The following UBE2O variants were observed in gnomAD, a reference collection of about 807,000 sequenced individuals.
UBE2O encodes ubiquitin conjugating enzyme E2 O.
Under a neutral mutation model 125.8 loss-of-function variants are expected in UBE2O, and 15 were observed. The observed-to-expected ratio is 0.12, with a 90% CI of 0.08 to 0.18. The LOEUF is 0.18. UBE2O is among the 10% of genes least tolerant of loss of function. The pLI, the probability that UBE2O is intolerant of heterozygous loss-of-function variation, is 1.00. For missense variants in UBE2O, 1,280 were observed against 1,723.6 expected (o/e 0.74, Z 4.56); for synonymous variants, 708 against 703.2 (o/e 1.01, Z -0.11).
In UBE2O at chr17:76,390,658, G is replaced by GCT; in HGVS notation, c.*284_*285insAG. On this transcript the variant is annotated 3_prime_UTR_variant, in exon 18 of 18. Transcript: ENST00000319380. ...TGACCTGAGAAGGGGCAGCAAGGGA[G>GCT]CAAGTGCCGGACATTCTGCTGGGGT... 3.0e-6 allele frequency: 1 copy of GCT among 331,898 alleles called. No homozygotes were observed. Among genetic ancestry groups the GCT allele is most frequent in the South Asian group, 5.2e-5 (1 of 19,414 alleles). 20.6% of individuals were successfully genotyped at this position (331,898 alleles called of 1,614,324 possible).
rs749090531 is a variant in UBE2O, at chr17:76,443,432, G to T, written c.417+9293C>A. On this transcript the variant is annotated intron_variant, in intron 1 of 17. Transcript: ENST00000319380. ...GCCTCCCGAGTAGCTGGGATCACAGGCACCCACCACCACGCATGGCTAATT... is the reference window on the plus strand; with the variant it reads ...GCCTCCCGAGTAGCTGGGATCACAGTCACCCACCACCACGCATGGCTAATT... Among the ~76,000 whole-genome samples, 6 of 152,216 alleles carry T rather than the reference G, an allele frequency of 3.9e-5. No homozygotes were observed. The Middle Eastern group carries it at 0.017, about 431-fold the overall frequency.
intron 1 of UBE2O, among the ~76,000 whole-genome samples, chr17:76,423,561 C>A (rs2072744196): frequency 6.6e-6 from 1 of 151,442 alleles, no homozygotes. Context: ...GGCATGGTGG[C>A]ACGTACCTAT....
At position 76,398,103 on chromosome 17, in the gene UBE2O, G is replaced by T; in HGVS notation, c.2025+152C>A. The T allele has an allele frequency of 8.8e-7, 1 of 1,141,998 alleles. No individual in the cohort carries two copies. The allele number at this position is 1,141,998 out of a possible 1,614,324, so 70.7% of individuals were successfully genotyped here. On this transcript the variant is annotated intron_variant, in intron 12 of 17. Transcript: ENST00000319380. The surrounding 1 kb of genome is among the most constrained non-coding windows in gnomAD (Gnocchi z 5.4). ...CTGCAGCTGCTAGTGCTGAGCGGCA[G>T]CTTGACTCTGGGGCAGCTGCCCTTC...
Position 76,444,278 on chromosome 17 carries a change from G to A in UBE2O, c.417+8447C>T, listed in dbSNP as rs374964908. 1.1e-4 allele frequency among the ~76,000 whole-genome samples: 16 copies of A among 152,210 alleles called. No individual in the cohort carries two copies. In the East Asian group the frequency reaches 1.2e-3, roughly 11 times the overall value. The stretch of plus-strand genomic sequence containing the variant: ...AAGAGGGTGTGGTCAGCTAGGCACC[G>A]TGGCTCACGTCTGTAATCCCAACAC... On this transcript the variant is annotated intron_variant, in intron 1 of 17. Coordinates refer to ENST00000319380, the MANE Select transcript of UBE2O (RefSeq NM_022066.4).
Position 76,396,940 on chromosome 17 carries a change from T to G in UBE2O, c.2116-119A>C. 1.2e-6 allele frequency: 1 copy of G among 846,610 alleles called. No individual in the cohort carries two copies. The highest frequency in any genetic ancestry group is 1.8e-6 in the Non-Finnish European group (1 of 556,768). The allele number at this position is 846,610 out of a possible 1,614,324, so 52.4% of individuals were successfully genotyped here. A position where few individuals can be genotyped will look rare whatever the true frequency, so the allele number is the denominator to read the frequency against. On this transcript the variant is annotated intron_variant, in intron 13 of 17. Transcript: ENST00000319380. This position sits in a 1 kb window ranked among gnomAD's most constrained non-coding sequence, Gnocchi z 6.7. ...GATGGCGACTGGGCTCATGAGGCCT[T>G]GGCAACCTCATTCCACCCTTTCCCT...
At chr17:76,436,157 G>A (rs1006831401) in intron 1 of UBE2O, among the ~76,000 whole-genome samples, 1 of 152,158 alleles carries the variant, frequency 6.6e-6, no homozygotes, top group Non-Finnish European at 1.5e-5. Context: ...TGAGGCAGGA[G>A]AATTGCTTGA....
At chr17:76,422,848 C>G (rs1457151516) in intron 1 of UBE2O, among the ~76,000 whole-genome samples, 1 of 152,258 alleles carries the variant, frequency 6.6e-6, no homozygotes, top group Admixed American at 6.5e-5. Flanking sequence ...AGGGCAGGCA[C>G]TGGGCACCAG....
At position 76,390,077 on chromosome 17, in the gene UBE2O, C is replaced by A. The variant is rs947647710; in HGVS notation, c.*866G>T. The A allele has an allele frequency of 6.6e-6, 1 of 152,546 alleles. No individual in the cohort carries two copies. The highest frequency in any genetic ancestry group is 1.5e-5 in the Non-Finnish European group (1 of 68,082). The allele number at this position is 152,546 out of a possible 1,614,324, so 9.4% of individuals were successfully genotyped here. Reference sequence around the variant, plus strand: ...GTAGGCCTTCTAGTCCAAGAGAGGGCTGGCTCGCTTGGAGTTCAGTGAGCT... The same window carrying A: ...GTAGGCCTTCTAGTCCAAGAGAGGGATGGCTCGCTTGGAGTTCAGTGAGCT... On this transcript the variant is annotated 3_prime_UTR_variant, in exon 18 of 18. Coordinates refer to ENST00000319380, the MANE Select transcript of UBE2O (RefSeq NM_022066.4).
intron 3 of UBE2O, among the ~76,000 whole-genome samples, chr17:76,403,801 G>A (rs1398793133): frequency 2.6e-5 from 4 of 152,022 alleles, no homozygotes; most frequent in African/African-American, 9.7e-5. Context: ...AAAAGTACAA[G>A]ATGAGCCTGG....
Position 76,441,767 on chromosome 17 carries a change from C to G in UBE2O, c.417+10958G>C, listed in dbSNP as rs541497573. On this transcript the variant is annotated intron_variant, in intron 1 of 17. Transcript: ENST00000319380. ...GGATTAGAATCCATTTATTCATGCT[C>G]TCTTCACTTCCCCCTCCCCCTCCAC... Among the ~76,000 whole-genome samples, 21 of 152,326 alleles carry G rather than the reference C, an allele frequency of 1.4e-4. No homozygotes were observed. The South Asian group carries it at 3.1e-3, about 23-fold the overall frequency.
rs2072820564 is a variant in UBE2O at position 76,426,825 on chromosome 17, G to A, written c.418-21253C>T. ...TTCAGATTTACCTGCACTTCCCAAC[G>A]CCTCTGGATACCATTACTGTCCGCA... On this transcript the variant is annotated intron_variant, in intron 1 of 17. Transcript: ENST00000319380. Among the ~76,000 whole-genome samples the A allele has an allele frequency of 2.0e-5, 3 of 152,234 alleles. No individual in the cohort carries two copies. The South Asian group carries it at 6.2e-4, about 32-fold the overall frequency.
At chr17:76,392,707 C>G (rs1211208199) in intron 15 of UBE2O, among the ~76,000 whole-genome samples, 1 of 150,194 alleles carries the variant, frequency 6.7e-6, no homozygotes, top group Non-Finnish European at 1.5e-5. Flanking sequence ...AATCCCAGCA[C>G]TTTGGGAGGC....
At chr17:76,418,693 C>T (rs1345468703) in intron 1 of UBE2O, among the ~76,000 whole-genome samples, 2 of 152,048 alleles carry the variant, frequency 1.3e-5, no homozygotes, top group African/African-American at 4.8e-5. Flanking sequence ...CCTCAGCCTC[C>T]TGAGTAGCTG....
Position 76,395,494 on chromosome 17 carries a change from G to T in UBE2O, c.2946+231C>A. On this transcript the variant is annotated intron_variant, in intron 15 of 17. Transcript: ENST00000319380. The surrounding 1 kb of genome is among the most constrained non-coding windows in gnomAD (Gnocchi z 5.0). ...GGTGTGAGCCACTGCGCCCGGCCGA[G>T]AAAGTAATTTTTTAAAGGAGGGAGG... 2 of 489,022 alleles carry T rather than the reference G, an allele frequency of 4.1e-6. No homozygotes were observed. The highest frequency in any genetic ancestry group is 6.5e-5 in the South Asian group (2 of 30,716). The allele number at this position is 489,022 out of a possible 1,614,324, so 30.3% of individuals were successfully genotyped here. A position where few individuals can be genotyped will look rare whatever the true frequency, so the allele number is the denominator to read the frequency against.
Position 76,398,695 on chromosome 17 carries a change from G to A in UBE2O, c.1784-111C>T. 1.4e-6 allele frequency: 2 copies of A among 1,458,226 alleles called. No individual in the cohort carries two copies. The allele number at this position is 1,458,226 out of a possible 1,614,324, so 90.3% of individuals were successfully genotyped here. On this transcript the variant is annotated intron_variant, in intron 10 of 17. Coordinates refer to ENST00000319380, the MANE Select transcript of UBE2O (RefSeq NM_022066.4). This position sits in a 1 kb window ranked among gnomAD's most constrained non-coding sequence, Gnocchi z 5.4. ...CTGACCTTCCCCCGTCTTGGAAGTG[G>A]TGAGACCCCTTCATGAGGGCAGTCC...
At chr17:76,407,539 C>T (rs1317128072) in intron 1 of UBE2O, among the ~76,000 whole-genome samples, 1 of 152,180 alleles carries the variant, frequency 6.6e-6, no homozygotes, top group Non-Finnish European at 1.5e-5. Flanking sequence ...AGGAGGGCTG[C>T]CTCCACCACT....
At chr17:76,439,980 A>G (rs1454300750) in intron 1 of UBE2O, among the ~76,000 whole-genome samples, 1 of 152,210 alleles carries the variant, frequency 6.6e-6, no homozygotes, top group East Asian at 1.9e-4. Flanking sequence ...TGCTCACTAA[A>G]CAAATCTCTC....
At chr17:76,415,507 T>A (rs1242657988) in intron 1 of UBE2O, among the ~76,000 whole-genome samples, 1 of 152,182 alleles carries the variant, frequency 6.6e-6, no homozygotes, top group African/African-American at 2.4e-5. Context: ...CATGCTGCCA[T>A]TCAAGTGTGG....
intron 1 of UBE2O, among the ~76,000 whole-genome samples, chr17:76,411,465 A>T (rs1598597525): frequency 6.6e-6 from 1 of 152,128 alleles, no homozygotes; most frequent in Admixed American, 6.5e-5. Context: ...ATGGGCTCCC[A>T]GTTCAAAAAG....
Sources: gnomAD v4.1 joint callset for allele counts (sites outside exome capture counted in the v4.1 genomes callset) on GRCh38, gnomAD v4.1.1 for gene constraint, Gnocchi (gnomAD v3.1) non-coding constraint, MANE v1.5 for transcripts, NCBI Gene and HGNC (gene_info 2026-07-23, HGNC 2026-07-21) for gene names.